DLGAP2: variants seen among roughly 807,000 people sequenced by gnomAD.
DLGAP2 encodes DLG associated protein 2, also known as disks large-associated protein 2.
Under a neutral mutation model 100.3 loss-of-function variants are expected in DLGAP2, and 26 were observed. That is an observed-to-expected ratio of 0.26 (90% confidence interval 0.19 to 0.36). DLGAP2 has a LOEUF of 0.36. DLGAP2 is among the 10% of genes least tolerant of loss of function. The pLI is 1.00. For missense variants in DLGAP2, 1,858 were observed against 1,453.2 expected, an observed-to-expected ratio of 1.28 and a Z score of -4.53; for synonymous variants, 886 against 630.1, an observed-to-expected ratio of 1.41 and a Z score of -6.08.
At chr8:973,856 G>C (rs1318590688) in intron 2 of DLGAP2, among the ~76,000 whole-genome samples, 1 of 12,722 alleles carries the variant, frequency 7.9e-5, no homozygotes. Context: ...GGCGGTGGCG[G>C]CTGCGACCAC....
intron 4 of DLGAP2, among the ~76,000 whole-genome samples, chr8:1,502,731 C>G (rs183327791): frequency 3.4e-4 from 52 of 152,296 alleles, no homozygotes; most frequent in African/African-American, 1.0e-3. Flanking sequence ...GCACGGGACT[C>G]ATTTGACGTT....
intron 2 of DLGAP2, among the ~76,000 whole-genome samples, chr8:1,136,563 G>A (rs980413286): frequency 6.6e-6 from 1 of 152,222 alleles, no homozygotes; most frequent in African/African-American, 2.4e-5. Flanking sequence ...TGCCTGGTGT[G>A]TAGACAACAT....
At chr8:1,341,301 C>G (rs961137460) in intron 3 of DLGAP2, among the ~76,000 whole-genome samples, 1 of 152,144 alleles carries the variant, frequency 6.6e-6, no homozygotes, top group South Asian at 2.1e-4. Context: ...GAAAAATAAG[C>G]GTGTTTCATA....
At chr8:812,770 A>C (rs1402853182) in intron 1 of DLGAP2, among the ~76,000 whole-genome samples, 1 of 152,208 alleles carries the variant, frequency 6.6e-6, no homozygotes, top group Non-Finnish European at 1.5e-5. Context: ...TAAGTGTTTA[A>C]ATGGGGTTGA....
chr8:1,604,578 A>T, intron 6 of DLGAP2: 1 of 152,442 alleles, frequency 6.6e-6, no homozygotes, highest in East Asian at 1.9e-4. Context: ...TCTATATTAC[A>T]TGCAAGCACA....
intron 8 of DLGAP2, among the ~76,000 whole-genome samples, chr8:1,638,392 A>G (rs1797818804): frequency 6.6e-6 from 1 of 152,120 alleles, no homozygotes; most frequent in African/African-American, 2.4e-5. Flanking sequence ...CGGCATGTGC[A>G]CACCCAGGAG....
intron 3 of DLGAP2, among the ~76,000 whole-genome samples, chr8:1,292,052 G>C (rs1800070976): frequency 6.6e-6 from 1 of 152,238 alleles, no homozygotes; most frequent in Non-Finnish European, 1.5e-5. Context: ...CAATAGGGAA[G>C]ATTCAGTAGA....
chr8:1,618,805 C>A (rs1797238667), intron 6 of DLGAP2, among the ~76,000 whole-genome samples: 1 of 152,278 alleles, frequency 6.6e-6, no homozygotes, highest in South Asian at 2.1e-4. Flanking sequence ...CCAGACGATT[C>A]TCTCTTGTTG....
At chr8:1,608,970 G>A (rs1230310289) in intron 6 of DLGAP2, among the ~76,000 whole-genome samples, 1 of 151,876 alleles carries the variant, frequency 6.6e-6, no homozygotes, top group Admixed American at 6.6e-5. Context: ...CACTCTACAG[G>A]ATATTATCCA....
intron 2 of DLGAP2, among the ~76,000 whole-genome samples, chr8:1,188,777 G>A (rs1285113762): frequency 2.6e-5 from 4 of 152,192 alleles, no homozygotes; most frequent in Non-Finnish European, 5.9e-5. Flanking sequence ...CCTGTTACAC[G>A]CTGAACAAAA....
At chr8:1,053,960 T>C (rs75580839) in intron 2 of DLGAP2, among the ~76,000 whole-genome samples, 5,737 of 152,284 alleles carry the variant, frequency 0.038, 173 homozygotes, top group Middle Eastern at 0.12. Flanking sequence ...CACTTTTATT[T>C]GGGTCTTTTT....
intron 1 of DLGAP2, among the ~76,000 whole-genome samples, chr8:757,117 T>A (rs1304411723): frequency 3.3e-5 from 5 of 152,136 alleles, no homozygotes; most frequent in Non-Finnish European, 7.4e-5. Flanking sequence ...AACCCCCACC[T>A]CGTGCTGTTT....
At chr8:1,038,046 G>C (rs768680154) in intron 2 of DLGAP2, among the ~76,000 whole-genome samples, 5 of 152,234 alleles carry the variant, frequency 3.3e-5, no homozygotes, top group Non-Finnish European at 5.9e-5. Context: ...TGCGTGGGCA[G>C]TTGGACCCCT....
intron 6 of DLGAP2, among the ~76,000 whole-genome samples, chr8:1,623,694 A>G (rs577285434): frequency 1.3e-4 from 20 of 152,346 alleles, no homozygotes; most frequent in Admixed American, 4.6e-4. Context: ...GCACCAGTGC[A>G]CAATGACCTT....
intron 1 of DLGAP2, among the ~76,000 whole-genome samples, chr8:776,237 CTCTT>C (rs1563425804): frequency 1.3e-5 from 2 of 151,994 alleles, no homozygotes; most frequent in African/African-American, 4.8e-5. Flanking sequence ...TGATTCTTCT[CTCTT>C]TTTTTCTTTA....
intron 3 of DLGAP2, among the ~76,000 whole-genome samples, chr8:1,417,501 A>G (rs1796935514): frequency 6.6e-6 from 1 of 152,222 alleles, no homozygotes; most frequent in Non-Finnish European, 1.5e-5. Flanking sequence ...CACGGGGCTC[A>G]CCAGGGCAGG....
At chr8:1,667,810 C>T (rs529723224) in intron 8 of DLGAP2, among the ~76,000 whole-genome samples, 2 of 152,122 alleles carry the variant, frequency 1.3e-5, no homozygotes, top group African/African-American at 4.8e-5. Context: ...GTAGAAATGA[C>T]GCCATGCCTG....
chr8:1,574,635 G>T (rs966744755), intron 6 of DLGAP2, among the ~76,000 whole-genome samples: 2 of 152,158 alleles, frequency 1.3e-5, no homozygotes, highest in Non-Finnish European at 2.9e-5. Context: ...ATTTTGTTAT[G>T]ACCCAAATCA....
chr8:1,584,719 G>T (rs547812254), intron 6 of DLGAP2, among the ~76,000 whole-genome samples: 1 of 152,258 alleles, frequency 6.6e-6, no homozygotes, highest in East Asian at 1.9e-4. Flanking sequence ...GCTCCTGGGG[G>T]TCTCTGCCCA....
Sources: gnomAD v4.1 joint callset for allele counts (sites outside exome capture counted in the v4.1 genomes callset) on GRCh38, gnomAD v4.1.1 for gene constraint, MANE v1.5 for transcripts, NCBI Gene and HGNC (gene_info 2026-07-23, HGNC 2026-07-21) for gene names.